Variants in TP63 observed in about 807,000 individuals in gnomAD.
TP63 encodes the protein tumor protein p63, also known as tumor protein 63.
TP63 carries 17 observed loss-of-function variants against 82.8 expected under a neutral mutation model. That is an observed-to-expected ratio of 0.21 (90% CI 0.14 to 0.31). TP63 has a LOEUF of 0.31. Among genes scored for constraint, TP63 ranks in the 10% least tolerant of loss-of-function variants. TP63 has a pLI of 1.00. For missense variants in TP63, 648 were observed against 895.3 expected (o/e 0.72, Z 3.52); for synonymous variants, 330 against 321.7 (o/e 1.03, Z -0.28).
chr3:189,883,512 A>G (rs1720142063), intron 10 of TP63, among the ~76,000 whole-genome samples: 1 of 152,174 alleles, frequency 6.6e-6, no homozygotes, highest in Non-Finnish European at 1.5e-5. Flanking sequence ...CTTCTATGCC[A>G]TGGGCCACAT....
intron 1 of TP63, among the ~76,000 whole-genome samples, chr3:189,735,551 A>G (rs780326630): frequency 6.6e-6 from 1 of 152,156 alleles, no homozygotes; most frequent in Non-Finnish European, 1.5e-5. Flanking sequence ...TTCTCCCTTC[A>G]TTAGTAACAC....
At chr3:189,834,961 A>C (rs1712919266) in intron 4 of TP63, among the ~76,000 whole-genome samples, 1 of 149,700 alleles carries the variant, frequency 6.7e-6, no homozygotes. Flanking sequence ...GAACTGGGTC[A>C]TATGTCTCTA....
At chr3:189,600,330 A>G in the TP63 span, among the ~76,000 whole-genome samples, 1 of 152,042 alleles carries the variant, frequency 6.6e-6, no homozygotes, top group East Asian at 1.9e-4. Context: ...AGGTTTTTTT[A>G]TCTTATAAAA....
intron 4 of TP63, among the ~76,000 whole-genome samples, chr3:189,856,622 G>A (rs1716324415): frequency 1.3e-5 from 2 of 151,870 alleles, no homozygotes; most frequent in Non-Finnish European, 2.9e-5. Flanking sequence ...TCGTAAGGAA[G>A]GCATCTACAA....
At chr3:189,727,080 A>G (rs1411674689) in intron 1 of TP63, among the ~76,000 whole-genome samples, 1 of 152,184 alleles carries the variant, frequency 6.6e-6, no homozygotes, top group Non-Finnish European at 1.5e-5. Context: ...GTTTGTCAAC[A>G]CCTAATCCAG....
intron 1 of TP63, among the ~76,000 whole-genome samples, chr3:189,705,056 T>C (rs2108745982): frequency 6.6e-6 from 1 of 152,368 alleles, no homozygotes. Flanking sequence ...TTTTCTTCAA[T>C]ATTTTTTACC....
intron 13 of TP63, among the ~76,000 whole-genome samples, chr3:189,891,257 G>A (rs892513576): frequency 7.9e-5 from 12 of 152,276 alleles, no homozygotes; most frequent in East Asian, 3.9e-4. Flanking sequence ...GCAGGGCACC[G>A]GTGGTGCTAT....
At chr3:189,851,243 C>T (rs1379785723) in intron 4 of TP63, among the ~76,000 whole-genome samples, 1 of 152,030 alleles carries the variant, frequency 6.6e-6, no homozygotes, top group Non-Finnish European at 1.5e-5. Context: ...TGGGAAGGGG[C>T]GCAAAGCAGT....
At chr3:189,641,345 T>C (rs1711850797) in intron 1 of TP63, among the ~76,000 whole-genome samples, 1 of 152,080 alleles carries the variant, frequency 6.6e-6, no homozygotes, top group Non-Finnish European at 1.5e-5. Flanking sequence ...GAAATATAAA[T>C]GTCAGAGCAT....
rs553274645 is a variant in TP63 at position 189,838,608 on chromosome 3, C to T, written c.580-25624C>T. Among the ~76,000 whole-genome samples the T allele has an allele frequency of 8.5e-5, 13 of 152,182 alleles. No individual in the cohort carries two copies. The South Asian group carries it at 2.7e-3, about 32-fold the overall frequency. On this transcript the variant is annotated intron_variant, in intron 4 of 13. Coordinates refer to ENST00000264731, the MANE Select transcript of TP63 (RefSeq NM_003722.5). ...CCCCTACACCTACCCCCAGCCAACA[C>T]AGATGCTTATGTATTAGTGGCCCAC...
At chr3:189,718,238 A>T (rs11713345) in intron 1 of TP63, among the ~76,000 whole-genome samples, 79,225 of 151,570 alleles carry the variant, frequency 0.52, 20,900 homozygotes, top group Middle Eastern at 0.66. Context: ...TATTTTGGAA[A>T]GAATTATTTA....
At chr3:189,754,906 G>C (rs1037710490) in intron 3 of TP63, among the ~76,000 whole-genome samples, 8 of 151,698 alleles carry the variant, frequency 5.3e-5, no homozygotes, top group African/African-American at 1.7e-4. Flanking sequence ...CACTTTTTTG[G>C]TTACCCAGAA....
chr3:189,620,174 C>T, the TP63 span, among the ~76,000 whole-genome samples: 6 of 152,076 alleles, frequency 3.9e-5, no homozygotes, highest in African/African-American at 1.4e-4. Flanking sequence ...AGATCGAGAC[C>T]ATCCTGATCA....
At chr3:189,672,232 G>A (rs1714951354) in intron 1 of TP63, among the ~76,000 whole-genome samples, 1 of 151,924 alleles carries the variant, frequency 6.6e-6, no homozygotes, top group Non-Finnish European at 1.5e-5. Flanking sequence ...GCTGTGCAGA[G>A]GCAAATTTAC....
chr3:189,678,268 A>G (rs901839963), intron 1 of TP63, among the ~76,000 whole-genome samples: 2 of 152,138 alleles, frequency 1.3e-5, no homozygotes, highest in African/African-American at 2.4e-5. Flanking sequence ...TAATTTTTGC[A>G]TATAGTAAAA....
chr3:189,799,934 T>G (rs1726109185), intron 3 of TP63, among the ~76,000 whole-genome samples: 1 of 152,192 alleles, frequency 6.6e-6, no homozygotes, highest in Non-Finnish European at 1.5e-5. Context: ...TTTCAGCCAT[T>G]ATCCCAGGTA....
intron 10 of TP63, chr3:189,879,975 G>T (rs1560294796): frequency 6.5e-7 from 1 of 1,530,542 alleles, no homozygotes; most frequent in Admixed American, 2.1e-5. Flanking sequence ...GATCATGAAG[G>T]TATAAGGAGT....
intron 1 of TP63, among the ~76,000 whole-genome samples, chr3:189,737,045 C>A (rs572216134): frequency 1.3e-5 from 2 of 152,172 alleles, no homozygotes; most frequent in South Asian, 4.1e-4. Flanking sequence ...GGCTCAGCAG[C>A]AAAATGAAGC....
intron 1 of TP63, among the ~76,000 whole-genome samples, chr3:189,684,463 C>T (rs772860326): frequency 5.9e-5 from 9 of 151,910 alleles, no homozygotes; most frequent in East Asian, 1.9e-4. Flanking sequence ...TGTAAGTATG[C>T]GTAAAAGTAT....
Sources: gnomAD v4.1 joint callset for allele counts (sites outside exome capture counted in the v4.1 genomes callset) on GRCh38, gnomAD v4.1.1 for gene constraint, MANE v1.5 for transcripts, NCBI Gene and HGNC (gene_info 2026-07-23, HGNC 2026-07-21) for gene names.